ACOT12: variants seen among roughly 807,000 people sequenced by gnomAD.
ACOT12 encodes the protein acyl-CoA thioesterase 12, also known as acetyl-coenzyme A thioesterase.
Under a neutral mutation model 67.7 loss-of-function variants are expected in ACOT12, and 51 were observed. The observed-to-expected ratio is 0.75, with a 90% CI of 0.60 to 0.95. The LOEUF is 0.95. ACOT12 is among the 40% of genes least tolerant of loss of function. The pLI, the probability that ACOT12 is intolerant of heterozygous loss-of-function variation, is 0.00. For synonymous variants in ACOT12, 251 were observed against 244.6 expected, an observed-to-expected ratio of 1.03 and a Z score of -0.24; for missense variants, 734 against 708.1, an observed-to-expected ratio of 1.04 and a Z score of -0.41.
At position 81,343,900 on chromosome 5, in the gene ACOT12, G is replaced by C; in HGVS notation, c.981-19C>G. The C allele has an allele frequency of 6.2e-7, 1 of 1,606,410 alleles. No individual in the cohort carries two copies. ...ATATTTTCTGGAAAAAAAAATTAAA[G>C]TGTTAAATGACAGTTTTTTTCTCTG... On this transcript the variant is annotated intron_variant, in intron 9 of 14. Transcript: ENST00000307624.
the ACOT12 span, among the ~76,000 whole-genome samples, chr5:81,314,305 A>G: frequency 2.6e-3 from 395 of 152,240 alleles, 3 homozygotes; most frequent in Middle Eastern, 0.02. Context: ...GGGTTTCACC[A>G]TGTTGGCCAG....
intron 11 of ACOT12, among the ~76,000 whole-genome samples, chr5:81,339,714 A>C (rs1004698294): frequency 2.0e-5 from 3 of 152,214 alleles, no homozygotes; most frequent in African/African-American, 7.2e-5. Flanking sequence ...GCTGTTTCAC[A>C]TACCTGTGTG....
chr5:81,393,504 C>G (rs1194374713), intron 1 of ACOT12, among the ~76,000 whole-genome samples: 1 of 152,080 alleles, frequency 6.6e-6, no homozygotes, highest in African/African-American at 2.4e-5. Flanking sequence ...GCGTTTGAGA[C>G]CAGCCTGGGC....
chr5:81,385,001 T>C (rs540355814), intron 2 of ACOT12, among the ~76,000 whole-genome samples: 28 of 152,322 alleles, frequency 1.8e-4, no homozygotes, highest in Admixed American at 1.8e-3. Context: ...CAGTAAAAGA[T>C]GGTTAAGAAC....
intron 5 of ACOT12, among the ~76,000 whole-genome samples, chr5:81,359,532 C>G (rs1759835555): frequency 6.6e-6 from 1 of 152,198 alleles, no homozygotes; most frequent in Admixed American, 6.5e-5. Context: ...TTACATGCAG[C>G]TCCTATGAAA....
rs1047384282 is a variant in ACOT12, at chr5:81,343,734, A to G, written c.1044+84T>C. 9 of 1,357,114 alleles carry G rather than the reference A, an allele frequency of 6.6e-6. No individual in the cohort carries two copies. In the South Asian group the frequency reaches 1.2e-4, roughly 17 times the overall value. The allele number at this position is 1,357,114 out of a possible 1,614,324, so 84.1% of individuals were successfully genotyped here. A position where few individuals can be genotyped will look rare whatever the true frequency, so the allele number is the denominator to read the frequency against. On this transcript the variant is annotated intron_variant, in intron 10 of 14. Coordinates refer to ENST00000307624, the MANE Select transcript of ACOT12 (RefSeq NM_130767.3). ...CTTTTCACATAGCCTGCGTAGGCAC[A>G]GCCTAGGCCAGTTAGGCAAGCGGAT... is the stretch of plus-strand genomic sequence containing the variant.
intron 3 of ACOT12, 34 bp downstream of exon 3, chr5:81,371,716 C>T: frequency 1.2e-6 from 2 of 1,601,370 alleles, no homozygotes; most frequent in South Asian, 2.2e-5. Flanking sequence ...GAAGTGAGCA[C>T]CAACAGGCAG....
intron 2 of ACOT12, among the ~76,000 whole-genome samples, chr5:81,378,215 G>A (rs1760476652): frequency 6.6e-6 from 1 of 152,240 alleles, no homozygotes. Flanking sequence ...TGACAAACCT[G>A]ACAAAAACAA....
chr5:81,363,657 G>A (rs551394257), intron 4 of ACOT12, 131 bp downstream of exon 4: 4 of 576,462 alleles, frequency 6.9e-6, no homozygotes, highest in Non-Finnish European at 1.1e-5. Context: ...ATAAATATTG[G>A]TGAATAACAA....
At chr5:81,379,343 T>TGGGGGGGGGGGGAG (rs1760511678) in intron 2 of ACOT12, among the ~76,000 whole-genome samples, 1 of 108,488 alleles carries the variant, frequency 9.2e-6, no homozygotes, top group Admixed American at 1.1e-4. Context: ...GGTGGGGGGC[T>TGGGGGGGGGGGGAG]AGGGGAGGGA....
chr5:81,372,564 T>G (rs1241855126), intron 2 of ACOT12, among the ~76,000 whole-genome samples: 1 of 152,208 alleles, frequency 6.6e-6, no homozygotes, highest in African/African-American at 2.4e-5. Flanking sequence ...TCCCCTCCCT[T>G]GTTGGCTCTG....
At chr5:81,333,232 C>T (rs1758888983) in intron 12 of ACOT12, among the ~76,000 whole-genome samples, 1 of 152,048 alleles carries the variant, frequency 6.6e-6, no homozygotes, top group South Asian at 2.1e-4. Flanking sequence ...TATTTTTCTC[C>T]AGGATCAAGT....
the ACOT12 span, among the ~76,000 whole-genome samples, chr5:81,317,652 G>A: frequency 5.2e-3 from 785 of 152,276 alleles, 4 homozygotes; most frequent in Non-Finnish European, 7.5e-3. Flanking sequence ...GAGAGATAGA[G>A]TGAAGGGGGA....
At chr5:81,309,717 C>T in the ACOT12 span, among the ~76,000 whole-genome samples, 3 of 152,080 alleles carry the variant, frequency 2.0e-5, no homozygotes, top group Admixed American at 2.0e-4. Flanking sequence ...CACTGCCACT[C>T]ACTAGCTGGG....
At chr5:81,328,302 A>G (rs532191743), downstream of ACOT12, among the ~76,000 whole-genome samples, 4 of 152,062 alleles carry the variant, frequency 2.6e-5, no homozygotes, top group African/African-American at 9.6e-5. Flanking sequence ...TTTTCCTTAT[A>G]TCTTCTAATA....
rs375340360 is a variant in ACOT12, at chr5:81,332,614, A to G, written c.1263-9T>C. The G allele has an allele frequency of 1.1e-5, 18 of 1,613,766 alleles. No homozygotes were observed. In the East Asian group the frequency reaches 2.7e-4, roughly 24 times the overall value. On this transcript the variant is annotated splice_polypyrimidine_tract_variant and intron_variant, in intron 12 of 14. Transcript: ENST00000307624. The stretch of plus-strand genomic sequence containing the variant: ...CTATGACTTCACAGGACCTGTGTAT[A>G]TAGAACAGTGAAAAGCAGGTATACT...
chr5:81,317,259 T>C, the ACOT12 span, among the ~76,000 whole-genome samples: 9 of 152,146 alleles, frequency 5.9e-5, no homozygotes, highest in Non-Finnish European at 1.2e-4. Flanking sequence ...CCCAGCACTT[T>C]GGGAGGCTAA....
intron 4 of ACOT12, among the ~76,000 whole-genome samples, chr5:81,362,539 G>A (rs1759948199): frequency 6.6e-6 from 1 of 152,148 alleles, no homozygotes; most frequent in Admixed American, 6.5e-5. Context: ...GAATATGACG[G>A]TCTTCCTCTG....
intron 12 of ACOT12, among the ~76,000 whole-genome samples, chr5:81,333,639 G>A (rs1758902138): frequency 1.3e-5 from 2 of 152,188 alleles, no homozygotes; most frequent in African/African-American, 2.4e-5. Flanking sequence ...CCAAAGTTTA[G>A]GCATTGTTAT....
Sources: gnomAD v4.1 joint callset for allele counts (sites outside exome capture counted in the v4.1 genomes callset) on GRCh38, gnomAD v4.1.1 for gene constraint, MANE v1.5 for transcripts, NCBI Gene and HGNC (gene_info 2026-07-23, HGNC 2026-07-21) for gene names.